The following THSD4 variants were observed in gnomAD, a reference collection of about 807,000 sequenced individuals.
The protein encoded by THSD4 is thrombospondin type 1 domain containing 4, also known as thrombospondin type-1 domain-containing protein 4.
A neutral mutation model predicts 119.0 loss-of-function variants in THSD4; 69 were observed. That is an observed-to-expected ratio of 0.58 (90% CI 0.48 to 0.71). The LOEUF is 0.71. THSD4 is among the 30% of genes least tolerant of loss of function. The pLI is 0.00. For missense variants in THSD4, 1,393 were observed against 1,391.1 expected, an observed-to-expected ratio of 1.00 and a Z score of -0.02; for synonymous variants, 524 against 540.4, an observed-to-expected ratio of 0.97 and a Z score of 0.42.
chr15:71,433,452 C>G, intron 7 of THSD4, among the ~76,000 whole-genome samples: 1 of 145,442 alleles, frequency 6.9e-6, no homozygotes, highest in African/African-American at 2.5e-5. Flanking sequence ...AACTTTTTTT[C>G]TTTGTTTTTT....
At chr15:71,295,162 G>A (rs2044846322) in intron 6 of THSD4, among the ~76,000 whole-genome samples, 1 of 152,154 alleles carries the variant, frequency 6.6e-6, no homozygotes, top group Non-Finnish European at 1.5e-5. Flanking sequence ...CTCCTACCTG[G>A]ATTACTCAAT....
intron 6 of THSD4, among the ~76,000 whole-genome samples, chr15:71,293,414 G>C (rs2044820198): frequency 6.6e-6 from 1 of 152,126 alleles, no homozygotes; most frequent in African/African-American, 2.4e-5. Flanking sequence ...CTGTTTCCTG[G>C]GTCTGCAGCC....
At chr15:71,502,049 A>T (rs138750581) in intron 7 of THSD4, among the ~76,000 whole-genome samples, 232 of 152,364 alleles carry the variant, frequency 1.5e-3, no homozygotes, top group African/African-American at 5.4e-3. Context: ...TTTAGAAATA[A>T]AGTAGAACTA....
At position 71,329,936 on chromosome 15, in the gene THSD4, C is replaced by T. The variant is rs570823690; in HGVS notation, c.1015+73221C>T. On this transcript the variant is annotated intron_variant, in intron 6 of 17. Transcript: ENST00000261862. ...TCTGTACAAAAAATAAAAAATTAGG[C>T]AGGCATAGTGGCACGTGCCTGTGGT... is the stretch of plus-strand genomic sequence containing the variant. Among the ~76,000 whole-genome samples the T allele has an allele frequency of 2.6e-5, 4 of 152,186 alleles. No individual in the cohort carries two copies. In the East Asian group the frequency reaches 7.7e-4, roughly 29 times the overall value.
intron 8 of THSD4, among the ~76,000 whole-genome samples, chr15:71,711,102 T>A (rs1164257817): frequency 6.8e-6 from 1 of 148,048 alleles, no homozygotes; most frequent in African/African-American, 2.5e-5. Flanking sequence ...TATACATATA[T>A]ATATATAACA....
chr15:71,775,087 G>A (rs1405788730), intron 17 of THSD4, among the ~76,000 whole-genome samples: 5 of 151,494 alleles, frequency 3.3e-5, no homozygotes, highest in African/African-American at 4.9e-5. Flanking sequence ...CGGAGGTTGC[G>A]GTGAGCCGAT....
chr15:71,315,039 C>T (rs2045166902), intron 6 of THSD4, among the ~76,000 whole-genome samples: 1 of 152,126 alleles, frequency 6.6e-6, no homozygotes, highest in Non-Finnish European at 1.5e-5. Flanking sequence ...CTGCCTCCTG[C>T]CCCCACTCCC....
chr15:71,745,427 A>G (rs979365851), intron 12 of THSD4, among the ~76,000 whole-genome samples, 192 bp downstream of exon 12: 2 of 152,222 alleles, frequency 1.3e-5, no homozygotes, highest in Non-Finnish European at 2.9e-5. Flanking sequence ...GATAGCCTTT[A>G]GCAAGTCAAC....
At chr15:71,742,981 G>A (rs1483255673) in intron 11 of THSD4, among the ~76,000 whole-genome samples, 1 of 152,164 alleles carries the variant, frequency 6.6e-6, no homozygotes, top group Non-Finnish European at 1.5e-5. Flanking sequence ...CTTGAACCCG[G>A]GAGGTGGAGG....
chr15:71,535,215 A>C (rs1328327709), intron 7 of THSD4, among the ~76,000 whole-genome samples: 1 of 152,216 alleles, frequency 6.6e-6, no homozygotes, highest in Non-Finnish European at 1.5e-5. Context: ...CATTTCATAT[A>C]AATGGAATCA....
At chr15:71,203,155 TG>T (rs2043816649) in intron 3 of THSD4, among the ~76,000 whole-genome samples, 1 of 151,850 alleles carries the variant, frequency 6.6e-6, no homozygotes, top group South Asian at 2.1e-4. Flanking sequence ...CAGGTGAAGG[TG>T]GGCAGGGAGA....
intron 17 of THSD4, among the ~76,000 whole-genome samples, chr15:71,771,778 A>C (rs1466168639): frequency 1.3e-5 from 2 of 152,208 alleles, no homozygotes; most frequent in African/African-American, 4.8e-5. Context: ...CTTGCAATTC[A>C]GAAGACCCCA....
chr15:71,461,459 T>A (rs561696891), intron 7 of THSD4, among the ~76,000 whole-genome samples: 62 of 152,318 alleles, frequency 4.1e-4, no homozygotes, highest in Middle Eastern at 3.4e-3. Context: ...GAACACCAGT[T>A]GCCATCTCAG....
intron 7 of THSD4, among the ~76,000 whole-genome samples, chr15:71,536,794 A>C (rs2048694079): frequency 6.6e-6 from 1 of 152,062 alleles, no homozygotes; most frequent in African/African-American, 2.4e-5. Context: ...GTTTTGAGTT[A>C]ATTTGTGTGT....
Position 71,309,079 on chromosome 15 carries a change from A to C in THSD4, c.1015+52364A>C, listed in dbSNP as rs1263732690. ...ATTCTCCCACTTCAGCCTCCCGAGT[A>C]GCTGTGATTACAGGCGCATGCCACC... On this transcript the variant is annotated intron_variant, in intron 6 of 17. Transcript: ENST00000261862. Among the ~76,000 whole-genome samples, 7 of 152,182 alleles carry C rather than the reference A, an allele frequency of 4.6e-5. No individual in the cohort carries two copies. In the South Asian group the frequency reaches 8.3e-4, roughly 18 times the overall value.
chr15:71,323,183 T>C (rs55835837), intron 6 of THSD4, among the ~76,000 whole-genome samples: 23,480 of 151,434 alleles, frequency 0.16, 1,869 homozygotes, highest in Middle Eastern at 0.21. Flanking sequence ...GTCATCATTC[T>C]CTATTGGTTA....
At chr15:71,567,338 G>A (rs1347279745) in intron 7 of THSD4, among the ~76,000 whole-genome samples, 1 of 152,122 alleles carries the variant, frequency 6.6e-6, no homozygotes, top group African/African-American at 2.4e-5. Flanking sequence ...ACCAGCAGAG[G>A]ACAGAGGAAG....
At chr15:71,567,776 A>AAT (rs2049271619) in intron 7 of THSD4, among the ~76,000 whole-genome samples, 2 of 150,420 alleles carry the variant, frequency 1.3e-5, no homozygotes, top group Admixed American at 6.6e-5. Context: ...AGAGAGAGAG[A>AAT]GTGTGTGTGT....
At chr15:71,642,517 T>A (rs988970138) in intron 7 of THSD4, among the ~76,000 whole-genome samples, 1 of 152,110 alleles carries the variant, frequency 6.6e-6, no homozygotes. Flanking sequence ...TTATTGTGGC[T>A]CTATTCACAA....
Sources: allele counts gnomAD v4.1 joint callset (sites outside exome capture counted in the v4.1 genomes callset), GRCh38; gene constraint gnomAD v4.1.1; transcripts MANE v1.5; gene names NCBI Gene and HGNC (gene_info 2026-07-23, HGNC 2026-07-21).